Variants in KALRN observed in about 807,000 individuals in gnomAD.
KALRN encodes the protein kalirin RhoGEF kinase, also known as kalirin.
A neutral mutation model predicts 353.7 loss-of-function variants in KALRN; 70 were observed. That is an observed-to-expected ratio of 0.20 (90% CI 0.16 to 0.24). The LOEUF (loss-of-function observed/expected upper bound fraction) is 0.24, where lower values mean the gene tolerates loss of function less well. Among genes scored for constraint, KALRN ranks in the 10% least tolerant of loss-of-function variants. The pLI is 1.00. For missense variants in KALRN, 2,791 were observed against 3,756.7 expected (o/e 0.74, Z 6.72); for synonymous variants, 1,391 against 1,434.8 (o/e 0.97, Z 0.69).
intron 54 of KALRN, 41 bp downstream of exon 54, chr3:124,696,296 A>G (rs2062046069): frequency 3.1e-6 from 5 of 1,594,460 alleles, no homozygotes; most frequent in Non-Finnish European, 4.3e-6. Flanking sequence ...AAATATATAT[A>G]TATTTTTAGA....
At chr3:124,660,677 T>G (rs2084738132) in intron 43 of KALRN, among the ~76,000 whole-genome samples, 1 of 70,478 alleles carries the variant, frequency 1.4e-5, no homozygotes, top group East Asian at 3.5e-4. Flanking sequence ...TGAGACTATG[T>G]CTCAAAAAAA....
intron 13 of KALRN, among the ~76,000 whole-genome samples, chr3:124,407,239 G>A (rs1226909317): frequency 6.6e-6 from 1 of 152,104 alleles, no homozygotes; most frequent in Admixed American, 6.5e-5. Flanking sequence ...AATATGTTTA[G>A]CAAAGCTCCT....
intron 38 of KALRN, among the ~76,000 whole-genome samples, chr3:124,651,367 G>T (rs1192282505): frequency 6.6e-6 from 1 of 152,178 alleles, no homozygotes; most frequent in African/African-American, 2.4e-5. Context: ...AGGAGCTGTT[G>T]TACCACCAAG....
At chr3:124,291,990 G>A (rs1047492688) in intron 5 of KALRN, among the ~76,000 whole-genome samples, 1 of 152,188 alleles carries the variant, frequency 6.6e-6, no homozygotes. Context: ...TAAATACTCT[G>A]TGGTCTGCAG....
intron 6 of KALRN, among the ~76,000 whole-genome samples, chr3:124,317,713 T>C (rs2078943136): frequency 2.4e-5 from 2 of 81,922 alleles, no homozygotes; most frequent in Non-Finnish European, 4.8e-5. Flanking sequence ...AGCCAGGCCT[T>C]ATTAAAAAAA....
intron 6 of KALRN, among the ~76,000 whole-genome samples, chr3:124,317,695 C>T (rs1382042735): frequency 8.4e-6 from 1 of 119,046 alleles, no homozygotes; most frequent in Non-Finnish European, 1.6e-5. Flanking sequence ...ACAGATCAAG[C>T]TCTAAGTAGC....
intron 34 of KALRN, among the ~76,000 whole-genome samples, chr3:124,569,070 G>A (rs889262648): frequency 2.0e-5 from 3 of 152,188 alleles, no homozygotes; most frequent in African/African-American, 7.2e-5. Context: ...CAGGACACCT[G>A]TGTTCCTTTT....
At chr3:124,145,404 C>A (rs1019567820) in intron 1 of KALRN, among the ~76,000 whole-genome samples, 5 of 152,192 alleles carry the variant, frequency 3.3e-5, no homozygotes, top group African/African-American at 1.2e-4. Context: ...ATTAAAAAGT[C>A]TCTGGGTCTG....
intron 7 of KALRN, among the ~76,000 whole-genome samples, chr3:124,327,085 A>G (rs910445148): frequency 6.6e-5 from 10 of 152,178 alleles, no homozygotes; most frequent in Non-Finnish European, 1.0e-4. Context: ...GGAGTTTCAT[A>G]TTATAGAAAT....
intron 34 of KALRN, among the ~76,000 whole-genome samples, chr3:124,607,411 A>G (rs1263666313): frequency 1.3e-5 from 2 of 152,274 alleles, no homozygotes. Flanking sequence ...TAGGTAGCAG[A>G]GTAGAATTGA....
At chr3:124,510,014 A>C (rs2065709910) in intron 33 of KALRN, among the ~76,000 whole-genome samples, 1 of 152,202 alleles carries the variant, frequency 6.6e-6, no homozygotes, top group South Asian at 2.1e-4. Context: ...GGAGGAACTA[A>C]CTCCAATAGT....
chr3:124,511,835 G>A (rs1355559842), intron 33 of KALRN, among the ~76,000 whole-genome samples: 3 of 152,136 alleles, frequency 2.0e-5, no homozygotes, highest in South Asian at 2.1e-4. Flanking sequence ...AAGTATTCCT[G>A]GAACACATCT....
intron 45 of KALRN, 126 bp downstream of exon 45, chr3:124,662,054 C>CT: frequency 2.7e-6 from 2 of 750,422 alleles, no homozygotes; most frequent in Non-Finnish European, 4.8e-6. Context: ...CTATGCCTTC[C>CT]TACCCGGGCC....
chr3:124,467,691 C>G (rs554278674), intron 25 of KALRN, among the ~76,000 whole-genome samples: 1 of 152,042 alleles, frequency 6.6e-6, no homozygotes, highest in Non-Finnish European at 1.5e-5. Context: ...GTCTCATTGT[C>G]GCACTCCCAG....
At chr3:124,632,948 CCTGAGGGGA>C (rs1373284707) in intron 35 of KALRN, among the ~76,000 whole-genome samples, 11 of 152,172 alleles carry the variant, frequency 7.2e-5, no homozygotes, top group Non-Finnish European at 1.6e-4. Context: ...AGGACCTGGG[CCTGAGGGGA>C]GTCATTTGGT....
At chr3:124,377,025 G>A (rs1462533359) in intron 10 of KALRN, among the ~76,000 whole-genome samples, 2 of 152,196 alleles carry the variant, frequency 1.3e-5, no homozygotes, top group Non-Finnish European at 2.9e-5. Flanking sequence ...AAGCAGAAGA[G>A]CTGGAGATTT....
chr3:124,163,677 T>C (rs538781407), intron 1 of KALRN: 2 of 984,780 alleles, frequency 2.0e-6, no homozygotes, highest in Non-Finnish European at 2.4e-6. Context: ...AATGTATAAA[T>C]ATTACAACAG....
chr3:124,299,039 C>T, intron 6 of KALRN, 126 bp downstream of exon 6: 1 of 1,294,544 alleles, frequency 7.7e-7, no homozygotes, highest in Non-Finnish European at 1.1e-6. Flanking sequence ...TTTGGTGTTC[C>T]ATTTGTTGGA....
rs560706172 is a variant in KALRN at position 124,234,209 on chromosome 3, A to G, written c.149-620A>G. ...AGCATTCTGATTTCTGATAAGATTCATGTGCTCCTCTAGCAGGAGTGACAG... is the reference window on the plus strand; with the variant it reads ...AGCATTCTGATTTCTGATAAGATTCGTGTGCTCCTCTAGCAGGAGTGACAG... On this transcript the variant is annotated intron_variant, in intron 2 of 59. Coordinates refer to ENST00000682506, the MANE Select transcript of KALRN (RefSeq NM_001388419.1). Among the ~76,000 whole-genome samples the G allele has an allele frequency of 4.6e-5, 7 of 152,342 alleles. No homozygotes were observed. The South Asian group carries it at 1.4e-3, about 32-fold the overall frequency.
Sources: gnomAD v4.1 joint callset for allele counts (sites outside exome capture counted in the v4.1 genomes callset) on GRCh38, gnomAD v4.1.1 for gene constraint, MANE v1.5 for transcripts, NCBI Gene and HGNC (gene_info 2026-07-23, HGNC 2026-07-21) for gene names.